The following CUL4A variants were observed in gnomAD, a reference collection of about 807,000 sequenced individuals.
The protein encoded by CUL4A is cullin-4A.
CUL4A carries 16 observed loss-of-function variants against 95.5 expected under a neutral mutation model. The observed-to-expected ratio is 0.17, with a 90% CI of 0.11 to 0.25. CUL4A has a LOEUF of 0.25. Among genes scored for constraint, CUL4A ranks in the 10% least tolerant of loss-of-function variants. The pLI is 1.00. For missense variants in CUL4A, 610 were observed against 937.0 expected (o/e 0.65, Z 4.56); for synonymous variants, 380 against 353.1 (o/e 1.08, Z -0.85).
At chr13:113,208,912 G>A (rs1262485748), upstream of CUL4A, 1 of 1,370,938 alleles carries the variant, frequency 7.3e-7, no homozygotes, top group African/African-American at 1.5e-5. Flanking sequence ...GGGTCCAGTG[G>A]CGAGGACAGC....
At chr13:113,210,523 G>A (rs2316443) in intron 2 of CUL4A, among the ~76,000 whole-genome samples, 36,776 of 152,082 alleles carry the variant, frequency 0.24, 5,168 homozygotes, top group East Asian at 0.54. Flanking sequence ...TCAAAATTCA[G>A]AAAAAGTGGT....
At chr13:113,259,991 G>A (rs898103340) in intron 18 of CUL4A, among the ~76,000 whole-genome samples, 93 of 148,090 alleles carry the variant, frequency 6.3e-4, no homozygotes, top group Non-Finnish European at 1.3e-3. Context: ...GGATCACGAG[G>A]TCAGGAGATC....
In CUL4A at chr13:113,237,917, C is replaced by T. The variant is rs543068197; in HGVS notation, c.916+1027C>T. ...CACTTGATGTGAATATCTTTTCAAGCAATTCTGTGAAATCATTATCCCCAT... is the reference window on the plus strand; with the variant it reads ...CACTTGATGTGAATATCTTTTCAAGTAATTCTGTGAAATCATTATCCCCAT... On this transcript the variant is annotated intron_variant, in intron 9 of 19. Transcript: ENST00000375440. Among the ~76,000 whole-genome samples, 8 of 152,318 alleles carry T rather than the reference C, an allele frequency of 5.3e-5. No individual in the cohort carries two copies. In the South Asian group the frequency reaches 1.4e-3, roughly 28 times the overall value.
chr13:113,246,854 GTTATGC>G (rs1330036006), intron 15 of CUL4A, among the ~76,000 whole-genome samples: 2 of 152,188 alleles, frequency 1.3e-5, no homozygotes, highest in African/African-American at 4.8e-5. Context: ...ACTGTCCATT[GTTATGC>G]TTAGGTTTGA....
intron 5 of CUL4A, chr13:113,230,173 A>T (rs755337015): frequency 6.5e-6 from 1 of 154,538 alleles, no homozygotes; most frequent in Non-Finnish European, 1.4e-5. Context: ...GTAGTGTTTC[A>T]TTCTTCTCAC....
chr13:113,222,594 C>G (rs937434342), intron 3 of CUL4A, among the ~76,000 whole-genome samples: 2 of 152,274 alleles, frequency 1.3e-5, no homozygotes, highest in Admixed American at 6.5e-5. Context: ...GCTGGAGACA[C>G]AGATCCAGTG....
chr13:113,236,810 T>C lies in CUL4A; in HGVS notation c.849-13T>C. 2 of 1,584,462 alleles carry C rather than the reference T, an allele frequency of 1.3e-6. No individual in the cohort carries two copies. The highest frequency in any genetic ancestry group is 1.4e-5 in the African/African-American group (1 of 74,042). ...ACTTTACTTCTAACGCTTATTCTTT[T>C]TACCTTATATAGGAAACCACTGATT... On this transcript the variant is annotated splice_polypyrimidine_tract_variant and intron_variant, in intron 8 of 19. Coordinates refer to ENST00000375440, the MANE Select transcript of CUL4A (RefSeq NM_001008895.4).
chr13:113,250,389 C>T (rs578049705), intron 15 of CUL4A, among the ~76,000 whole-genome samples: 1 of 152,302 alleles, frequency 6.6e-6, no homozygotes, highest in East Asian at 1.9e-4. Flanking sequence ...GAGGTTAAGG[C>T]TGCAGTGAGC....
At chr13:113,217,589 C>T (rs1567014640) in intron 2 of CUL4A, among the ~76,000 whole-genome samples, 1 of 152,096 alleles carries the variant, frequency 6.6e-6, no homozygotes, top group Non-Finnish European at 1.5e-5. Context: ...TGTAGCAGCT[C>T]TCCGATATTT....
chr13:113,247,997 C>T (rs1195019772), intron 15 of CUL4A, among the ~76,000 whole-genome samples: 6 of 152,182 alleles, frequency 3.9e-5, no homozygotes, highest in Non-Finnish European at 7.3e-5. Flanking sequence ...CCAGATGCCC[C>T]GTGTCCCCAT....
chr13:113,263,274 T>TA (rs1392278165), intron 19 of CUL4A, among the ~76,000 whole-genome samples: 1 of 152,260 alleles, frequency 6.6e-6, no homozygotes, highest in Non-Finnish European at 1.5e-5. Context: ...ACGCTTTTTT[T>TA]ATCAAGAGAT....
At chr13:113,243,797 A>G (rs2041787414) in intron 11 of CUL4A, among the ~76,000 whole-genome samples, 1 of 152,212 alleles carries the variant, frequency 6.6e-6, no homozygotes, top group Non-Finnish European at 1.5e-5. Context: ...TTCAGGAGGC[A>G]GTTTACTTTG....
At chr13:113,218,364 T>G (rs2040771838) in intron 2 of CUL4A, among the ~76,000 whole-genome samples, 1 of 152,212 alleles carries the variant, frequency 6.6e-6, no homozygotes, top group East Asian at 1.9e-4. Context: ...CAATACAGTC[T>G]GGCCTGTGTC....
Position 113,255,088 on chromosome 13 carries a change from T to G in CUL4A, c.1994T>G (p.Phe665Cys), listed in dbSNP as rs768884886. Residue 665 changes from phenylalanine (F) to cysteine (C), a missense_variant, in exon 18 of 20, where the codon TTT becomes TGT. Physicochemically the swap from Phe to Cys is radical, Grantham distance 205 (BLOSUM62 -2). Coordinates refer to ENST00000375440, the MANE Select transcript of CUL4A (RefSeq NM_001008895.4). The part of the protein sequence containing the change: ...IFNGEFKHKL[F>C]RIKINQIQMK... The stretch of plus-strand genomic sequence containing the variant: ...AATGGAGAGTTCAAGCACAAGTTGT[T>G]TAGAATAAAGATCAATCAAATTCAG... 32 of 1,613,766 alleles carry G rather than the reference T, an allele frequency of 2.0e-5. No individual in the cohort carries two copies. The highest frequency in any genetic ancestry group is 2.4e-5 in the Non-Finnish European group (28 of 1,179,884).
At position 113,209,687 on chromosome 13, in the gene CUL4A, C is replaced by T. The variant is rs1011916848; in HGVS notation, c.60C>T (p.Gly20=). The change falls in exon 1 of 20, where the codon GGC becomes GGT. Residue 20 remains glycine (G), a synonymous_variant. Transcript: ENST00000375440. ...SFSALVGRTN[G]LTKPAALAAA... ...CGGCGCTCGTGGGCCGCACCAACGGCCTCACCAAGCCCGCGGCCCTGGCCG... is the reference window on the plus strand; with the variant it reads ...CGGCGCTCGTGGGCCGCACCAACGGTCTCACCAAGCCCGCGGCCCTGGCCG... 2 of 1,149,430 alleles carry T rather than the reference C, an allele frequency of 1.7e-6. No individual in the cohort carries two copies. Among genetic ancestry groups the T allele is most frequent in the Admixed American group, 9.6e-5 (2 of 20,852 alleles). The allele number at this position is 1,149,430 out of a possible 1,614,324, so 71.2% of individuals were successfully genotyped here. A position where few individuals can be genotyped will look rare whatever the true frequency, so the allele number is the denominator to read the frequency against.
chr13:113,229,318 CATG>C, intron 4 of CUL4A, 125 bp from the exon 5 acceptor site: 2 of 690,288 alleles, frequency 2.9e-6, no homozygotes, highest in Non-Finnish European at 2.5e-6. Context: ...AAAAATAAAA[CATG>C]AGGGCTGTGG....
intron 19 of CUL4A, among the ~76,000 whole-genome samples, chr13:113,261,941 C>A (rs2042290466): frequency 6.6e-6 from 1 of 152,154 alleles, no homozygotes; most frequent in African/African-American, 2.4e-5. Flanking sequence ...CCACCACACC[C>A]AGCTAATTTT....
chr13:113,226,242 C>T (rs1395242008), intron 3 of CUL4A, among the ~76,000 whole-genome samples: 2 of 152,208 alleles, frequency 1.3e-5, no homozygotes, highest in African/African-American at 4.8e-5. Flanking sequence ...ATGTTGTCAC[C>T]ACCTCACATT....
chr13:113,210,569 C>CT (rs2040375018), intron 2 of CUL4A, among the ~76,000 whole-genome samples: 1 of 152,094 alleles, frequency 6.6e-6, no homozygotes, highest in Admixed American at 6.5e-5. Flanking sequence ...TAGTGGTTGC[C>CT]TTTAAGGTAT....
Sources: gnomAD v4.1 joint callset for allele counts (sites outside exome capture counted in the v4.1 genomes callset) on GRCh38, gnomAD v4.1.1 for gene constraint, MANE v1.5 for transcripts, NCBI Gene and HGNC (gene_info 2026-07-23, HGNC 2026-07-21) for gene names.